The following CCDC32 variants were observed in gnomAD, a reference collection of about 807,000 sequenced individuals.
CCDC32 encodes the protein coiled-coil domain-containing protein 32.
A neutral mutation model predicts 20.1 loss-of-function variants in CCDC32; 9 were observed. That is an observed-to-expected ratio of 0.45 (90% CI 0.27 to 0.78). The LOEUF (loss-of-function observed/expected upper bound fraction) is 0.78. CCDC32 is among the 30% of genes least tolerant of loss of function. CCDC32 has a pLI of 0.16. For missense variants in CCDC32, 204 were observed against 215.5 expected, an observed-to-expected ratio of 0.95 and a Z score of 0.33; for synonymous variants, 63 against 79.0, an observed-to-expected ratio of 0.80 and a Z score of 1.07.
downstream of CCDC32, chr15:40,535,610 CAA>C (rs11299163): frequency 7.1e-4 from 610 of 859,206 alleles, no homozygotes; most frequent in African/African-American, 7.6e-4. Context: ...TTTTCACAAC[CAA>C]AAAAAAAAAA....
At chr15:40,525,885 T>G (rs562687012), downstream of CCDC32, among the ~76,000 whole-genome samples, 1 of 152,104 alleles carries the variant, frequency 6.6e-6, no homozygotes, top group East Asian at 1.9e-4. Context: ...CATACTTTGG[T>G]GTCTCTCCTT....
exon 4 of CCDC32, chr15:40,528,790 A>G: frequency 1.4e-6 from 1 of 698,896 alleles, no homozygotes; most frequent in Admixed American, 2.0e-5. Context: ...TTCTCAAAAA[A>G]CTATTAAAAA....
downstream of CCDC32, among the ~76,000 whole-genome samples, chr15:40,524,659 GA>G (rs1390195386): frequency 6.6e-6 from 1 of 151,652 alleles, no homozygotes; most frequent in Non-Finnish European, 1.5e-5. Context: ...TGGAATGATG[GA>G]AAGGCTCTGT....
chr15:40,533,049 G>A (rs191662283), downstream of CCDC32, among the ~76,000 whole-genome samples: 195 of 152,082 alleles, frequency 1.3e-3, 1 homozygote, highest in African/African-American at 4.6e-3. Context: ...CCTGTTGGTG[G>A]ACATGTAAGA....
At chr15:40,551,052 G>T (rs752579731), downstream of CCDC32, among the ~76,000 whole-genome samples, 3 of 151,972 alleles carry the variant, frequency 2.0e-5, no homozygotes, top group Non-Finnish European at 4.4e-5. Flanking sequence ...TGTTTATCAT[G>T]CAGGGAGAAT....
At chr15:40,539,307 T>A (rs756516633) in exon 4 of CCDC32, 1 of 1,535,522 alleles carries the variant, frequency 6.5e-7, no homozygotes, top group South Asian at 1.2e-5. Flanking sequence ...TGTCCCACGC[T>A]CCATCCTCAG....
chr15:40,555,502 G>C (rs1890175479), intron 3 of CCDC32, among the ~76,000 whole-genome samples: 1 of 152,166 alleles, frequency 6.6e-6, no homozygotes, highest in African/African-American at 2.4e-5. Context: ...TGGGTCAGGA[G>C]TCTGCATCTT....
At chr15:40,533,343 T>C (rs1271372092), downstream of CCDC32, among the ~76,000 whole-genome samples, 2 of 152,162 alleles carry the variant, frequency 1.3e-5, no homozygotes, top group Non-Finnish European at 2.9e-5. Flanking sequence ...TGTCCTGCAT[T>C]ATTATTATTT....
chr15:40,555,282 C>T (rs1890162279), intron 3 of CCDC32, among the ~76,000 whole-genome samples: 1 of 152,210 alleles, frequency 6.6e-6, no homozygotes, highest in Non-Finnish European at 1.5e-5. Flanking sequence ...CCACACTTTT[C>T]ATCAAATTGT....
At chr15:40,530,774 A>G (rs935494464), downstream of CCDC32, among the ~76,000 whole-genome samples, 2 of 149,208 alleles carry the variant, frequency 1.3e-5, no homozygotes, top group East Asian at 2.0e-4. Flanking sequence ...GCTGGAGTGC[A>G]GTGGCACAAT....
chr15:40,564,747 A>G, intron 1 of CCDC32: 1 of 1,614,174 alleles, frequency 6.2e-7, no homozygotes, highest in East Asian at 2.2e-5. Flanking sequence ...AAGCCACCCA[A>G]AACCAAAACT....
Position 40,554,038 on chromosome 15 carries a change from T to G in CCDC32, c.491A>C (p.Gln164Pro). Residue 164 changes from glutamine (Q) to proline (P), a missense_variant, in exon 4 of 4, where the codon CAG becomes CCG. By Grantham distance (76) the Gln-to-Pro change is moderately conservative. Transcript: ENST00000416810. ...EVQYLIPPES[Q>P]VEKPVAEDEP... Reference sequence around the variant, plus strand: ...GTCCTCGGCCACTGGCTTCTCAACCTGTGACTCTGGAGGAATCAGATACTG... The same window carrying G: ...GTCCTCGGCCACTGGCTTCTCAACCGGTGACTCTGGAGGAATCAGATACTG... 6.2e-7 allele frequency: 1 copy of G among 1,613,642 alleles called. No homozygotes were observed. The highest frequency in any genetic ancestry group is 1.7e-4 in the Middle Eastern group (1 of 6,044).
At chr15:40,533,493 C>T (rs141489953), downstream of CCDC32, among the ~76,000 whole-genome samples, 10 of 152,024 alleles carry the variant, frequency 6.6e-5, no homozygotes, top group African/African-American at 2.2e-4. Context: ...ACTACAAGTG[C>T]GCACCACCAC....
At chr15:40,537,241 G>C (rs1889156967), downstream of CCDC32, 1 of 152,402 alleles carries the variant, frequency 6.6e-6, no homozygotes, top group African/African-American at 2.4e-5. Flanking sequence ...CTGGGGAGTG[G>C]TGCCAGCCCC....
At chr15:40,548,165 T>C (rs1462953701), downstream of CCDC32, among the ~76,000 whole-genome samples, 2 of 152,334 alleles carry the variant, frequency 1.3e-5, no homozygotes, top group East Asian at 1.9e-4. Flanking sequence ...GGCTTTCTGA[T>C]GGGCTCAAGA....
chr15:40,535,736 G>A (rs905359286), downstream of CCDC32: 20 of 779,182 alleles, frequency 2.6e-5, 1 homozygote, highest in African/African-American at 1.7e-4. Context: ...TTAATCATTC[G>A]TTCATCTTTC....
At chr15:40,541,172 C>G (rs1889375967) in intron 3 of CCDC32, among the ~76,000 whole-genome samples, 1 of 152,190 alleles carries the variant, frequency 6.6e-6, no homozygotes, top group South Asian at 2.1e-4. Context: ...TCCCTCCTCT[C>G]TCCTCTGCGT....
chr15:40,560,625 T>C (rs1275476059), intron 2 of CCDC32, among the ~76,000 whole-genome samples: 2 of 152,216 alleles, frequency 1.3e-5, no homozygotes, highest in Middle Eastern at 3.4e-3. Flanking sequence ...GAAAAAATGC[T>C]CAAAATCACT....
intron 3 of CCDC32, among the ~76,000 whole-genome samples, chr15:40,546,884 G>A (rs531779826): frequency 3.6e-4 from 55 of 151,794 alleles, no homozygotes; most frequent in African/African-American, 1.3e-3. Flanking sequence ...TGTATTTTTA[G>A]TAGAGATGGG....
Sources: gnomAD v4.1 joint callset for allele counts (sites outside exome capture counted in the v4.1 genomes callset) on GRCh38, gnomAD v4.1.1 for gene constraint, MANE v1.5 for transcripts, NCBI Gene and HGNC (gene_info 2026-07-23, HGNC 2026-07-21) for gene names.